The following MCM8 variants were observed in gnomAD, a reference collection of about 807,000 sequenced individuals.
MCM8 encodes DNA helicase MCM8.
MCM8 carries 85 observed loss-of-function variants against 98.9 expected under a neutral mutation model. The ratio of observed to expected loss-of-function variants is 0.86; its 90% CI spans 0.72 to 1.03. The LOEUF (loss-of-function observed/expected upper bound fraction) is 1.03. Ranked by LOEUF, MCM8 falls within the 50% of genes least tolerant of loss-of-function variation. The probability of loss-of-function intolerance (pLI) is 0.00; values close to 1 mark genes in which losing one functional copy is unlikely to be tolerated. For synonymous variants in MCM8, 352 were observed against 338.6 expected (o/e 1.04, Z -0.44); for missense variants, 951 against 997.8 (o/e 0.95, Z 0.63).
chr20:5,968,157 C>A, intron 10 of MCM8, 132 bp downstream of exon 10: 1 of 605,446 alleles, frequency 1.7e-6, no homozygotes, highest in East Asian at 2.8e-5. Context: ...ACTCCATCCC[C>A]TTGAGTATGG....
At chr20:5,969,275 G>A (rs972512747) in intron 10 of MCM8, among the ~76,000 whole-genome samples, 5 of 152,082 alleles carry the variant, frequency 3.3e-5, no homozygotes, top group Non-Finnish European at 7.4e-5. Flanking sequence ...AACTGAGAAC[G>A]TTTTGAAATG....
At chr20:5,984,554 AAG>A (rs2089691400) in intron 14 of MCM8, among the ~76,000 whole-genome samples, 1 of 152,190 alleles carries the variant, frequency 6.6e-6, no homozygotes, top group African/African-American at 2.4e-5. Flanking sequence ...GGGTGTGAGA[AAG>A]AGCCATGTCC....
chr20:5,982,965 T>A lies in MCM8; in HGVS notation c.1538-5T>A, dbSNP rs368596519. 129 of 1,603,392 alleles carry A rather than the reference T, an allele frequency of 8.0e-5. No homozygotes were observed. Among genetic ancestry groups the A allele is most frequent in the Non-Finnish European group, 1.0e-4 (122 of 1,177,126 alleles). ...TTTTTCTGCTTTATTCTACTTCGATTGTAGGTATTTGTGGAATCGATGAAT... is the reference window on the plus strand; with the variant it reads ...TTTTTCTGCTTTATTCTACTTCGATAGTAGGTATTTGTGGAATCGATGAAT... On this transcript the variant is annotated splice_region_variant and splice_polypyrimidine_tract_variant and intron_variant, in intron 13 of 18. Transcript: ENST00000610722.
chr20:5,971,975 T>C, intron 10 of MCM8, 32 bp from the exon 11 acceptor site: 1 of 1,601,692 alleles, frequency 6.2e-7, no homozygotes, highest in South Asian at 1.1e-5. Context: ...GAAGTATAAA[T>C]TAGAATTTAT....
chr20:5,988,642 C>G (rs2089781855), intron 17 of MCM8, among the ~76,000 whole-genome samples: 1 of 152,056 alleles, frequency 6.6e-6, no homozygotes, highest in African/African-American at 2.4e-5. Context: ...ACATGCTATA[C>G]CTTGCTTTTT....
intron 14 of MCM8, 112 bp from the exon 15 acceptor site, chr20:5,984,669 T>A: frequency 1.3e-6 from 1 of 769,330 alleles, no homozygotes; most frequent in Non-Finnish European, 2.1e-6. Flanking sequence ...AACCTAAATC[T>A]TGGTTTTTCA....
chr20:5,996,683 G>A lies in MCM8; in HGVS notation c.*2292G>A, dbSNP rs550069117. On this transcript the variant is annotated 3_prime_UTR_variant, in exon 19 of 19. Coordinates refer to ENST00000610722, the MANE Select transcript of MCM8 (RefSeq NM_032485.6). ...AGGAAAATAAGTCTCAAAGGTTAAG[G>A]CTATTATATAAATTTATTTTTAAAA... The A allele has an allele frequency of 6.6e-6, 1 of 152,100 alleles. No homozygotes were observed. Among genetic ancestry groups the A allele is most frequent in the Non-Finnish European group, 1.5e-5 (1 of 68,022 alleles). 9.4% of individuals were successfully genotyped at this position (152,100 alleles called of 1,614,324 possible).
intron 10 of MCM8, among the ~76,000 whole-genome samples, chr20:5,971,781 A>G (rs1347977477): frequency 1.3e-5 from 2 of 152,214 alleles, no homozygotes; most frequent in Non-Finnish European, 2.9e-5. Flanking sequence ...ATGCTTTGCA[A>G]GTATCCTCTG....
rs537323757 is a variant in MCM8 at position 5,957,964 on chromosome 20, A to T, written c.591-564A>T. On this transcript the variant is annotated intron_variant, in intron 6 of 18. Transcript: ENST00000610722. The stretch of plus-strand genomic sequence containing the variant: ...GAACTTAGAAACCCAAAGGTTTTTG[A>T]ATCTGTAGATTTTCCTTTTGGCATT... 5.9e-5 allele frequency among the ~76,000 whole-genome samples: 9 copies of T among 152,332 alleles called. 1 individual carries two copies. The South Asian group carries it at 1.9e-3, about 32-fold the overall frequency.
At chr20:5,973,326 A>C in intron 12 of MCM8, 130 bp downstream of exon 12, 4 of 1,145,796 alleles carry the variant, frequency 3.5e-6, no homozygotes, top group Non-Finnish European at 4.9e-6. Flanking sequence ...AATGAATTGG[A>C]ATTTGTGTGA....
At chr20:5,985,626 A>C (rs903384078) in intron 15 of MCM8, among the ~76,000 whole-genome samples, 5 of 150,402 alleles carry the variant, frequency 3.3e-5, no homozygotes, top group African/African-American at 1.2e-4. Context: ...GCTCACTGCA[A>C]CCTCTGTCTC....
chr20:5,954,654 A>G lies in MCM8; in HGVS notation c.300A>G (p.Glu100=), dbSNP rs1454711949. The G allele has an allele frequency of 1.2e-6, 2 of 1,611,276 alleles. No individual in the cohort carries two copies. Among genetic ancestry groups the G allele is most frequent in the Non-Finnish European group, 1.7e-6 (2 of 1,177,722 alleles). Residue 100 remains glutamate (E), a synonymous_variant, in exon 4 of 19, where the codon GAA becomes GAG. Transcript: ENST00000610722. ...TGATTGAGAAGATTCAAGCATTTGAAAAATTTTTCACAAGGCATATTGATT... is the reference window on the plus strand; with the variant it reads ...TGATTGAGAAGATTCAAGCATTTGAGAAATTTTTCACAAGGCATATTGATT... ...SPLIEKIQAF[E]KFFTRHIDLY...
intron 13 of MCM8, among the ~76,000 whole-genome samples, chr20:5,978,574 C>A (rs1174516903): frequency 6.6e-6 from 1 of 151,952 alleles, no homozygotes; most frequent in Non-Finnish European, 1.5e-5. Context: ...ATGTTTTTTT[C>A]TTTTTATGAG....
At chr20:5,978,310 A>G (rs183188844) in intron 13 of MCM8, among the ~76,000 whole-genome samples, 1 of 145,154 alleles carries the variant, frequency 6.9e-6, no homozygotes, top group African/African-American at 2.4e-5. Flanking sequence ...CATACCACCT[A>G]TCATATTTGT....
chr20:5,967,576 A>G lies in MCM8; in HGVS notation c.1016A>G (p.Asn339Ser), dbSNP rs563080134. The change falls in exon 9 of 19, where the codon AAT (asparagine) becomes AGT (serine). Residue 339 changes from asparagine (N) to serine (S), a missense_variant. By Grantham distance (46) the Asn-to-Ser change is conservative. Transcript: ENST00000610722. ...ATTACTGGAATTGTCAAAGTCTCAA[A>G]TGCGGAAGAAGGTAGGGTACAACTC... is the stretch of plus-strand genomic sequence containing the variant. ...VTITGIVKVS[N>S]AEEGSRNKND... is the part of the protein sequence containing the mutation. 27 of 1,611,952 alleles carry G rather than the reference A, an allele frequency of 1.7e-5. No homozygotes were observed. The South Asian group carries it at 2.8e-4, about 16-fold the overall frequency.
In MCM8 at chr20:5,952,233, G is replaced by T. The variant is rs566331981; in HGVS notation, c.148+70G>T. ...CAATTCACGTCTATCATACAAGGCG[G>T]TTTATCTCATACTTCAGTTTGTCTT... On this transcript the variant is annotated intron_variant, in intron 2 of 18. Transcript: ENST00000610722. The T allele has an allele frequency of 2.0e-4, 315 of 1,587,920 alleles. 1 individual carries two copies. The highest frequency in any genetic ancestry group is 2.6e-4 in the Non-Finnish European group (304 of 1,168,214).
rs2089410447 is a variant in MCM8, at chr20:5,971,878, T to C, written c.1224-129T>C. ...ATGTACTGTAAGAATAAAATTTCAG[T>C]TGAGGGGATGTAAATTTTTTACATT... On this transcript the variant is annotated intron_variant, in intron 10 of 18. Transcript: ENST00000610722. 3 of 667,540 alleles carry C rather than the reference T, an allele frequency of 4.5e-6. No homozygotes were observed. In the Admixed American group the frequency reaches 8.4e-5, roughly 19 times the overall value. 41.4% of individuals were successfully genotyped at this position (667,540 alleles called of 1,614,324 possible).
intron 11 of MCM8, 53 bp downstream of exon 11, chr20:5,972,090 A>C: frequency 7.1e-7 from 1 of 1,400,908 alleles, no homozygotes; most frequent in Non-Finnish European, 9.9e-7. Flanking sequence ...TAGCAAAAAT[A>C]ACATATAAAA....
At chr20:5,984,698 A>G (rs112248236) in intron 14 of MCM8, 83 bp from the exon 15 acceptor site, 2 of 1,118,928 alleles carry the variant, frequency 1.8e-6, no homozygotes, top group Non-Finnish European at 2.6e-6. Context: ...GTGGAACTTG[A>G]GTAGTAAATA....
Sources: gnomAD v4.1 joint callset for allele counts (sites outside exome capture counted in the v4.1 genomes callset) on GRCh38, gnomAD v4.1.1 for gene constraint, MANE v1.5 for transcripts, NCBI Gene and HGNC (gene_info 2026-07-23, HGNC 2026-07-21) for gene names.